The following PTCH1 variants were observed in gnomAD, a reference collection of about 807,000 sequenced individuals.
PTCH1 encodes patched 1.
Under a neutral mutation model 144.6 loss-of-function variants are expected in PTCH1, and 14 were observed. The ratio of observed to expected loss-of-function variants is 0.10; its 90% confidence interval spans 0.06 to 0.15. PTCH1 has a LOEUF of 0.15. Among genes scored for constraint, PTCH1 ranks in the 10% least tolerant of loss-of-function variants. The pLI, the probability that PTCH1 is intolerant of heterozygous loss-of-function variation, is 1.00. For missense variants in PTCH1, 1,623 were observed against 1,948.3 expected, an observed-to-expected ratio of 0.83 and a Z score of 3.14; for synonymous variants, 833 against 793.6, an observed-to-expected ratio of 1.05 and a Z score of -0.83.
upstream of PTCH1, among the ~76,000 whole-genome samples, chr9:95,513,203 T>C (rs1359124617): frequency 2.0e-5 from 3 of 152,370 alleles, no homozygotes; most frequent in South Asian, 2.1e-4. Context: ...GGTGGAGTTA[T>C]GAAAAACCAC....
At chr9:95,457,348 T>G (rs756651926) in intron 18 of PTCH1, among the ~76,000 whole-genome samples, 3 of 152,230 alleles carry the variant, frequency 2.0e-5, no homozygotes, top group Non-Finnish European at 4.4e-5. Flanking sequence ...TACCTTTTAA[T>G]GTACCTGCTG....
At chr9:95,497,417 T>G (rs1203387767) in intron 2 of PTCH1, among the ~76,000 whole-genome samples, 1 of 152,174 alleles carries the variant, frequency 6.6e-6, no homozygotes, top group African/African-American at 2.4e-5. Context: ...GGAAAGCCAT[T>G]TACTTCAGAA....
chr9:95,461,967 T>C lies in PTCH1; in HGVS notation c.2592A>G (p.Glu864=), dbSNP rs1839515955. 3 of 1,614,168 alleles carry C rather than the reference T, an allele frequency of 1.9e-6. No individual in the cohort carries two copies. Among genetic ancestry groups the C allele is most frequent in the East Asian group, 2.2e-5 (1 of 44,878 alleles). The change falls in exon 16 of 24, where the codon GAA becomes GAG. Residue 864 remains glutamate, a synonymous_variant. Coordinates refer to ENST00000331920, the MANE Select transcript of PTCH1 (RefSeq NM_000264.5). ...AATTGTTTGGCATGATTTTCCCGGTTTCCCAGTCACTGTCAAATGCATCCT... is the reference window on the plus strand; with the variant it reads ...AATTGTTTGGCATGATTTTCCCGGTCTCCCAGTCACTGTCAAATGCATCCT... ...GLQDAFDSDW[E]TGKIMPNNYK...
chr9:95,514,433 A>G (rs1844277044), intron 1 of PTCH1: 1 of 152,354 alleles, frequency 6.6e-6, no homozygotes, highest in South Asian at 2.1e-4. Flanking sequence ...GCTGAGCAAC[A>G]TGATCCCTTT....
At chr9:95,461,465 C>T (rs925841174) in intron 16 of PTCH1, among the ~76,000 whole-genome samples, 2 of 152,174 alleles carry the variant, frequency 1.3e-5, no homozygotes, top group African/African-American at 4.8e-5. Flanking sequence ...GACTGCTACC[C>T]AAGAAATCCA....
At chr9:95,511,682 T>G (rs957840927), upstream of PTCH1, among the ~76,000 whole-genome samples, 3 of 152,260 alleles carry the variant, frequency 2.0e-5, no homozygotes, top group Non-Finnish European at 4.4e-5. Context: ...ATTGCCAGTT[T>G]CATCTTTGAG....
chr9:95,477,845 A>G (rs1003086447), intron 9 of PTCH1, 143 bp from the exon 10 acceptor site: 4 of 1,449,496 alleles, frequency 2.8e-6, no homozygotes, highest in Non-Finnish European at 3.8e-6. Context: ...AGGGCGTCAC[A>G]TAAAATGACA....
At chr9:95,465,943 C>T (rs28394554) in intron 15 of PTCH1, among the ~76,000 whole-genome samples, 33,730 of 152,162 alleles carry the variant, frequency 0.22, 3,954 homozygotes, top group Non-Finnish European at 0.24. Flanking sequence ...CATACATTTA[C>T]GTGCAGTCGG....
intron 2 of PTCH1, among the ~76,000 whole-genome samples, chr9:95,503,052 C>T (rs1843266732): frequency 6.6e-6 from 1 of 152,166 alleles, no homozygotes; most frequent in Non-Finnish European, 1.5e-5. Context: ...GCATCCCTCT[C>T]CCCTTAAAAT....
At chr9:95,452,688 T>A (rs1181299142) in intron 20 of PTCH1, 1 of 152,318 alleles carries the variant, frequency 6.6e-6, no homozygotes, top group Non-Finnish European at 1.5e-5. Context: ...TCCCAAGAGT[T>A]GACACCAAAG....
At position 95,478,117 on chromosome 9, in the gene PTCH1, C is replaced by T. The variant is rs377546733; in HGVS notation, c.1285G>A (p.Asp429Asn). Reference protein sequence around the residue: ...VLSFTTTTLDDILKSFSDVSV... With the variant: ...VLSFTTTTLDNILKSFSDVSV... ...ACGTCAGAGAAGGATTTCAGGATGT[C>T]GTCCAGGGTCGTGGTGGTGAAGGAA... Residue 429 changes from aspartate to asparagine, a missense_variant, in exon 9 of 24, where the codon GAC (aspartate) becomes AAC (asparagine). Physicochemically the swap from Asp to Asn is conservative, Grantham distance 23 (BLOSUM62 1). Transcript: ENST00000331920. 4 of 1,614,168 alleles carry T rather than the reference C, an allele frequency of 2.5e-6. No homozygotes were observed. Among genetic ancestry groups the T allele is most frequent in the East Asian group, 2.2e-5 (1 of 44,876 alleles).
intron 2 of PTCH1, among the ~76,000 whole-genome samples, chr9:95,504,551 C>T (rs2118845628): frequency 6.6e-6 from 1 of 152,252 alleles, no homozygotes; most frequent in South Asian, 2.1e-4. Flanking sequence ...GCCGGCCCTC[C>T]CTGTGCTCAT....
In PTCH1 at chr9:95,444,707, G is replaced by A. The variant is rs943528289; in HGVS notation, c.*1686C>T. ...CTCGTGAGCGCCTCACAGTAGCTTA[G>A]GCTTCAGCCCTGCAGGGACCCCGCC... On this transcript the variant is annotated 3_prime_UTR_variant, in exon 24 of 24. Coordinates refer to ENST00000331920, the MANE Select transcript of PTCH1 (RefSeq NM_000264.5). The A allele has an allele frequency of 3.3e-5, 5 of 152,190 alleles. No homozygotes were observed. The highest frequency in any genetic ancestry group is 7.3e-5 in the Non-Finnish European group (5 of 68,074). 9.4% of individuals were successfully genotyped at this position (152,190 alleles called of 1,614,324 possible).
chr9:95,453,901 C>A (rs1167815243), intron 19 of PTCH1, among the ~76,000 whole-genome samples: 1 of 152,192 alleles, frequency 6.6e-6, no homozygotes, highest in Non-Finnish European at 1.5e-5. Flanking sequence ...CACTGATACT[C>A]ACCCCGAAGT....
Position 95,508,303 on chromosome 9 carries a change from C to G in PTCH1, c.59G>C (p.Cys20Ser), listed in dbSNP as rs1420016285. ...AGCCGGCCGTCCCGGGGCACCGATA[C>G]AGCCGCTGCCGCCGCCGCCGCGGTC... Reference protein sequence around the residue: ...PQDRGGGGSGCIGAPGRPAGG... With the variant: ...PQDRGGGGSGSIGAPGRPAGG... Residue 20 changes from cysteine (C) to serine (S), a missense_variant, in exon 1 of 24, where the codon TGT (cysteine) becomes TCT (serine). Around this residue, in one of 7 missense-constraint regions of PTCH1, gnomAD observed 245 missense variants for 240.6 expected, o/e 1.02. Coordinates refer to ENST00000331920, the MANE Select transcript of PTCH1 (RefSeq NM_000264.5). 1 of 1,421,380 alleles carries G rather than the reference C, an allele frequency of 7.0e-7. No individual in the cohort carries two copies. 88.0% of individuals were successfully genotyped at this position (1,421,380 alleles called of 1,614,324 possible). A position where few individuals can be genotyped will look rare whatever the true frequency, so the allele number is the denominator to read the frequency against.
At chr9:95,501,519 A>G (rs1843148399) in intron 2 of PTCH1, among the ~76,000 whole-genome samples, 1 of 148,934 alleles carries the variant, frequency 6.7e-6, no homozygotes, top group African/African-American at 2.5e-5. Flanking sequence ...ATTTTAAAAA[A>G]CAATTTCTTC....
chr9:95,484,046 A>G (rs1433112759), intron 3 of PTCH1: 1 of 152,238 alleles, frequency 6.6e-6, no homozygotes, highest in African/African-American at 2.4e-5. Context: ...ACATGTTCTT[A>G]AAGTTCATTC....
chr9:95,509,785 T>C (rs1394277801), upstream of PTCH1, among the ~76,000 whole-genome samples: 1 of 152,158 alleles, frequency 6.6e-6, no homozygotes, highest in Non-Finnish European at 1.5e-5. Context: ...CCTGCACCAA[T>C]AATGACAGCG....
chr9:95,457,412 A>G (rs1232847529), intron 18 of PTCH1, among the ~76,000 whole-genome samples: 1 of 152,206 alleles, frequency 6.6e-6, no homozygotes, highest in Non-Finnish European at 1.5e-5. Context: ...TAATTTTGGC[A>G]TTTTAAAGGC....
Sources: allele counts gnomAD v4.1 joint callset (sites outside exome capture counted in the v4.1 genomes callset), GRCh38; gene constraint gnomAD v4.1.1; regional missense constraint gnomAD v4.1.1; transcripts MANE v1.5; gene names NCBI Gene and HGNC (gene_info 2026-07-23, HGNC 2026-07-21).